GPC6: variants seen among roughly 807,000 people sequenced by gnomAD.
GPC6 encodes glypican-6.
Under a neutral mutation model 55.2 loss-of-function variants are expected in GPC6, and 14 were observed. That is an observed-to-expected ratio of 0.25 (90% CI 0.17 to 0.40). The LOEUF (loss-of-function observed/expected upper bound fraction) is 0.40. Among genes scored for constraint, GPC6 ranks in the 10% least tolerant of loss-of-function variants. The probability of loss-of-function intolerance (pLI) is 1.00; values close to 1 mark genes in which losing one functional copy is unlikely to be tolerated. For synonymous variants in GPC6, 278 were observed against 259.6 expected (o/e 1.07, Z -0.68); for missense variants, 641 against 708.5 (o/e 0.90, Z 1.08).
intron 1 of GPC6, among the ~76,000 whole-genome samples, chr13:93,394,506 G>C (rs570032965): frequency 6.6e-6 from 1 of 152,158 alleles, no homozygotes; most frequent in African/African-American, 2.4e-5. Context: ...ATCAGCCCCT[G>C]ATAGTTCCTC....
At chr13:93,619,422 A>T (rs1878860328) in intron 2 of GPC6, among the ~76,000 whole-genome samples, 1 of 152,140 alleles carries the variant, frequency 6.6e-6, no homozygotes, top group Non-Finnish European at 1.5e-5. Context: ...AGAACTAAGG[A>T]AGTGTCTATG....
chr13:93,829,784 A>G (rs897983865), intron 2 of GPC6, among the ~76,000 whole-genome samples: 6 of 152,236 alleles, frequency 3.9e-5, no homozygotes, highest in African/African-American at 1.4e-4. Flanking sequence ...TGTGTTTATC[A>G]TTATGTAAAC....
At chr13:93,454,033 G>T (rs938385987) in intron 1 of GPC6, among the ~76,000 whole-genome samples, 1 of 151,628 alleles carries the variant, frequency 6.6e-6, no homozygotes, top group African/African-American at 2.4e-5. Context: ...TAGACATAAA[G>T]GTTCTCCGTG....
intron 1 of GPC6, among the ~76,000 whole-genome samples, chr13:93,289,850 A>G (rs755329051): frequency 2.6e-4 from 40 of 152,272 alleles, no homozygotes; most frequent in Non-Finnish European, 4.7e-4. Flanking sequence ...CTTCTTTTAC[A>G]TTTTCTGAAT....
intron 6 of GPC6, among the ~76,000 whole-genome samples, chr13:94,337,866 A>C (rs528327420): frequency 1.3e-5 from 2 of 152,334 alleles, no homozygotes; most frequent in East Asian, 3.9e-4. Flanking sequence ...GGCACCTGTG[A>C]ACATTCACAC....
intron 4 of GPC6, among the ~76,000 whole-genome samples, chr13:94,199,402 A>C (rs1233332022): frequency 6.6e-6 from 1 of 152,164 alleles, no homozygotes; most frequent in East Asian, 1.9e-4. Flanking sequence ...AAAGAGGTAG[A>C]CTAGCCTGCA....
At chr13:93,670,263 T>C (rs974193771) in intron 2 of GPC6, among the ~76,000 whole-genome samples, 6 of 152,282 alleles carry the variant, frequency 3.9e-5, no homozygotes, top group Admixed American at 3.9e-4. Flanking sequence ...GAAAGCCTCT[T>C]AAAAAGGCAT....
At chr13:93,957,439 A>G (rs551619361) in intron 3 of GPC6, among the ~76,000 whole-genome samples, 1 of 152,062 alleles carries the variant, frequency 6.6e-6, no homozygotes, top group Non-Finnish European at 1.5e-5. Context: ...TGTGTGCCCA[A>G]TGTTTAGCTC....
chr13:93,570,027 T>A (rs1876327890), intron 2 of GPC6, among the ~76,000 whole-genome samples: 1 of 152,186 alleles, frequency 6.6e-6, no homozygotes, highest in African/African-American at 2.4e-5. Flanking sequence ...TATACCACAT[T>A]ATTTAATGTC....
At chr13:93,285,098 A>T (rs964333454) in intron 1 of GPC6, among the ~76,000 whole-genome samples, 2 of 152,148 alleles carry the variant, frequency 1.3e-5, no homozygotes, top group African/African-American at 4.8e-5. Context: ...TTGGGACTGG[A>T]TTACATAGTG....
At chr13:93,502,496 G>T (rs1880559671) in intron 1 of GPC6, among the ~76,000 whole-genome samples, 1 of 152,080 alleles carries the variant, frequency 6.6e-6, no homozygotes. Context: ...AATGTTGGTT[G>T]ATGTTTTTGT....
chr13:94,168,531 C>A (rs1448338941), intron 4 of GPC6, among the ~76,000 whole-genome samples: 1 of 152,004 alleles, frequency 6.6e-6, no homozygotes, highest in Admixed American at 6.6e-5. Flanking sequence ...ATAAGTAAAT[C>A]TTTTCGGGCC....
chr13:93,676,215 GTATATATACATGTATATGTA>G (rs1243694163), intron 2 of GPC6, among the ~76,000 whole-genome samples: 12 of 128,934 alleles, frequency 9.3e-5, no homozygotes, highest in South Asian at 5.2e-4. Flanking sequence ...ATGTATATGT[GTATATATACATGTATATGTA>G]TATATATACA....
chr13:93,340,812 G>A (rs530316151), intron 1 of GPC6, among the ~76,000 whole-genome samples: 2 of 151,860 alleles, frequency 1.3e-5, no homozygotes, highest in South Asian at 2.1e-4. Context: ...CAATAGTTTT[G>A]GGGCTACAGG....
At chr13:93,885,034 G>C (rs950135769) in intron 3 of GPC6, among the ~76,000 whole-genome samples, 2 of 151,992 alleles carry the variant, frequency 1.3e-5, no homozygotes, top group Non-Finnish European at 2.9e-5. Context: ...TATTCTATCA[G>C]GCTAAATGTT....
chr13:94,288,954 T>TATAG (rs1555316170), intron 5 of GPC6, among the ~76,000 whole-genome samples: 26 of 92,624 alleles, frequency 2.8e-4, no homozygotes, highest in Admixed American at 5.6e-4. Context: ...TAGATAGATA[T>TATAG]ATAGATAGAT....
chr13:93,554,635 G>C (rs1875357823), intron 2 of GPC6, among the ~76,000 whole-genome samples: 1 of 152,160 alleles, frequency 6.6e-6, no homozygotes, highest in South Asian at 2.1e-4. Flanking sequence ...GTCACTCGGT[G>C]ATTTTTCACT....
At chr13:93,625,534 C>A (rs999750866) in intron 2 of GPC6, among the ~76,000 whole-genome samples, 4 of 152,116 alleles carry the variant, frequency 2.6e-5, no homozygotes, top group Non-Finnish European at 5.9e-5. Flanking sequence ...CAGGTGTCAA[C>A]CCAGGTAGGC....
At chr13:94,068,784 C>A (rs528299844) in intron 4 of GPC6, among the ~76,000 whole-genome samples, 2 of 152,288 alleles carry the variant, frequency 1.3e-5, no homozygotes, top group South Asian at 4.1e-4. Flanking sequence ...TGTCTCACAT[C>A]CAGGTCACAC....
Sources: gnomAD v4.1 joint callset for allele counts (sites outside exome capture counted in the v4.1 genomes callset) on GRCh38, gnomAD v4.1.1 for gene constraint, MANE v1.5 for transcripts, NCBI Gene and HGNC (gene_info 2026-07-23, HGNC 2026-07-21) for gene names.